The following VAV2 variants were observed in gnomAD, a reference collection of about 807,000 sequenced individuals.
VAV2 encodes the protein vav guanine nucleotide exchange factor 2.
VAV2 carries 67 observed loss-of-function variants against 132.5 expected under a neutral mutation model. That is an observed-to-expected ratio of 0.51 (90% CI 0.42 to 0.62). The LOEUF is 0.62. Ranked by LOEUF, VAV2 falls within the 20% of genes least tolerant of loss-of-function variation. VAV2 has a pLI of 0.00. For missense variants in VAV2, 938 were observed against 1,153.6 expected (o/e 0.81, Z 2.71); for synonymous variants, 492 against 443.5 (o/e 1.11, Z -1.37).
At chr9:133,876,055 G>A (rs552176438) in intron 2 of VAV2, among the ~76,000 whole-genome samples, 6 of 152,360 alleles carry the variant, frequency 3.9e-5, no homozygotes, top group African/African-American at 1.4e-4. Context: ...CTCAGACTGG[G>A]ACTCACGCCA....
chr9:133,980,386 G>A (rs914721232), intron 1 of VAV2, among the ~76,000 whole-genome samples: 2 of 152,198 alleles, frequency 1.3e-5, no homozygotes, highest in Admixed American at 1.3e-4. Flanking sequence ...CCAAGGACCA[G>A]GGGAGGTGCC....
At chr9:133,848,505 T>C (rs2131830962) in intron 3 of VAV2, among the ~76,000 whole-genome samples, 1 of 152,246 alleles carries the variant, frequency 6.6e-6, no homozygotes, top group East Asian at 1.9e-4. Context: ...ACAAGTTAAA[T>C]TAATGCATCA....
intron 1 of VAV2, among the ~76,000 whole-genome samples, chr9:133,960,738 G>T (rs1275211130): frequency 2.0e-5 from 3 of 152,232 alleles, no homozygotes; most frequent in Non-Finnish European, 4.4e-5. Context: ...TTGTCTGCCT[G>T]ACTCTGTAAT....
intron 1 of VAV2, among the ~76,000 whole-genome samples, chr9:133,946,210 G>C (rs1380927244): frequency 1.3e-5 from 2 of 152,240 alleles, no homozygotes; most frequent in Non-Finnish European, 2.9e-5. Flanking sequence ...GTTCGCAGCA[G>C]AGCTCCTCAA....
intron 3 of VAV2, among the ~76,000 whole-genome samples, chr9:133,838,945 G>GGGGTGGGTGGGTAGGT (rs1836601331): frequency 7.6e-6 from 1 of 131,330 alleles, no homozygotes; most frequent in African/African-American, 2.9e-5. Context: ...ATGGATGGAT[G>GGGGTGGGTGGGTAGGT]GGGTGGGTGG....
At chr9:133,835,629 C>A (rs1279483756) in intron 3 of VAV2, among the ~76,000 whole-genome samples, 1 of 152,174 alleles carries the variant, frequency 6.6e-6, no homozygotes, top group East Asian at 1.9e-4. Context: ...GGAGGGGCTG[C>A]CCGGGCCCAG....
chr9:133,916,524 G>A (rs991337552), intron 2 of VAV2, among the ~76,000 whole-genome samples: 1 of 152,116 alleles, frequency 6.6e-6, no homozygotes, highest in Non-Finnish European at 1.5e-5. Flanking sequence ...TGGGAAGCTG[G>A]GCAGTTTGAG....
intron 2 of VAV2, among the ~76,000 whole-genome samples, chr9:133,872,978 T>C (rs1315549040): frequency 6.6e-6 from 1 of 151,826 alleles, no homozygotes; most frequent in Non-Finnish European, 1.5e-5. Context: ...CCAGGTGTGG[T>C]GGTGTGCACC....
intron 1 of VAV2, among the ~76,000 whole-genome samples, chr9:133,985,280 T>G (rs1207351040): frequency 6.6e-6 from 1 of 151,096 alleles, no homozygotes; most frequent in East Asian, 1.9e-4. Flanking sequence ...GTGTGTTTTG[T>G]TTTTGTTTTT....
At chr9:133,905,880 A>G (rs1313887560) in intron 2 of VAV2, among the ~76,000 whole-genome samples, 1 of 152,040 alleles carries the variant, frequency 6.6e-6, no homozygotes, top group Non-Finnish European at 1.5e-5. Context: ...CTACAAAAAA[A>G]AATACAGAAA....
intron 4 of VAV2, among the ~76,000 whole-genome samples, chr9:133,832,486 C>T (rs1241859654): frequency 6.6e-6 from 1 of 152,208 alleles, no homozygotes; most frequent in Non-Finnish European, 1.5e-5. Flanking sequence ...TCCCCCCTTA[C>T]AGGGTTGAGA....
rs1326170459 is a variant in VAV2 at position 133,802,961 on chromosome 9, G to T, written c.836+3120C>A. Among the ~76,000 whole-genome samples the T allele has an allele frequency of 6.6e-6, 1 of 152,198 alleles. No individual in the cohort carries two copies. Among genetic ancestry groups the T allele is most frequent in the Admixed American group, 6.5e-5 (1 of 15,284 alleles). On this transcript the variant is annotated intron_variant, in intron 9 of 29. Coordinates refer to ENST00000371850, the MANE Select transcript of VAV2 (RefSeq NM_001134398.2). This position sits in a 1 kb window ranked among gnomAD's most constrained non-coding sequence, Gnocchi z 5.8. ...GGAGCTGAGGCTTCTTGACTTCAGA[G>T]GTTCCCAAAGGCAGCCCTGCCAGAG...
chr9:133,988,252 GAA>G (rs1842916798), intron 1 of VAV2, among the ~76,000 whole-genome samples: 1 of 151,784 alleles, frequency 6.6e-6, no homozygotes, highest in Non-Finnish European at 1.5e-5. Flanking sequence ...GCCACCCCAT[GAA>G]AAGAGACACA....
intron 2 of VAV2, among the ~76,000 whole-genome samples, chr9:133,914,449 G>A (rs1017514166): frequency 4.7e-5 from 7 of 150,074 alleles, no homozygotes; most frequent in Non-Finnish European, 7.4e-5. Context: ...AAGAAGGAAC[G>A]AAGCGCTGAC....
chr9:133,942,950 G>C, intron 1 of VAV2, among the ~76,000 whole-genome samples: 1 of 152,198 alleles, frequency 6.6e-6, no homozygotes, highest in Non-Finnish European at 1.5e-5. Context: ...CACCTCGAGG[G>C]AGGCCACACA....
chr9:133,923,438 A>G (rs758050977), intron 2 of VAV2, among the ~76,000 whole-genome samples: 3 of 152,218 alleles, frequency 2.0e-5, no homozygotes, highest in Non-Finnish European at 4.4e-5. Context: ...CAAAACCACA[A>G]TGAGATACCA....
intron 1 of VAV2, among the ~76,000 whole-genome samples, chr9:133,982,650 C>T (rs375871): frequency 0.24 from 36,785 of 152,100 alleles, 5,492 homozygotes; most frequent in Middle Eastern, 0.37. Flanking sequence ...GGGCCCACCA[C>T]CTGGTTTTGC....
intron 4 of VAV2, among the ~76,000 whole-genome samples, chr9:133,818,642 C>T (rs1271971470): frequency 6.6e-6 from 1 of 152,192 alleles, no homozygotes; most frequent in African/African-American, 2.4e-5. Context: ...GCGGGACTTT[C>T]TGGCCTCCAT....
chr9:133,800,659 G>A (rs554997116), intron 9 of VAV2, among the ~76,000 whole-genome samples: 1 of 152,336 alleles, frequency 6.6e-6, no homozygotes, highest in South Asian at 2.1e-4. Context: ...CATGCCTGGT[G>A]CCAGCAGCTC....
Sources: allele counts gnomAD v4.1 joint callset (sites outside exome capture counted in the v4.1 genomes callset), GRCh38; gene constraint gnomAD v4.1.1; non-coding constraint Gnocchi (gnomAD v3.1); transcripts MANE v1.5; gene names NCBI Gene and HGNC (gene_info 2026-07-23, HGNC 2026-07-21).